The following FBXO25 variants were observed in gnomAD, a reference collection of about 807,000 sequenced individuals.
The protein encoded by FBXO25 is F-box only protein 25.
A neutral mutation model predicts 51.9 loss-of-function variants in FBXO25; 45 were observed. The observed-to-expected ratio is 0.87, with a 90% CI of 0.68 to 1.11. The LOEUF (loss-of-function observed/expected upper bound fraction) is 1.11, where lower values mean the gene tolerates loss of function less well. FBXO25 is among the 50% of genes most tolerant of loss of function. The probability of loss-of-function intolerance (pLI) is 0.00; values close to 1 mark genes in which losing one functional copy is unlikely to be tolerated. For missense variants in FBXO25, 507 were observed against 428.5 expected, an observed-to-expected ratio of 1.18 and a Z score of -1.62; for synonymous variants, 199 against 151.0, an observed-to-expected ratio of 1.32 and a Z score of -2.33.
chr8:465,076 G>T (rs1411469714), intron 9 of FBXO25, among the ~76,000 whole-genome samples: 2 of 152,262 alleles, frequency 1.3e-5, no homozygotes, highest in Admixed American at 6.5e-5. Context: ...CACAGTATGG[G>T]GGTGAGTTGT....
intron 1 of FBXO25, among the ~76,000 whole-genome samples, chr8:410,952 T>A (rs1452164853): frequency 6.6e-6 from 1 of 152,192 alleles, no homozygotes; most frequent in African/African-American, 2.4e-5. Flanking sequence ...TGTTGAAGTC[T>A]ATGTAATTTC....
intron 2 of FBXO25, among the ~76,000 whole-genome samples, chr8:416,532 C>G (rs1796812037): frequency 6.6e-6 from 1 of 152,156 alleles, no homozygotes; most frequent in Admixed American, 6.5e-5. Context: ...GGGGTAGAGT[C>G]ATAGGGATTT....
intron 7 of FBXO25, among the ~76,000 whole-genome samples, 190 bp downstream of exon 7, chr8:451,643 G>A (rs939984366): frequency 3.9e-5 from 6 of 152,196 alleles, no homozygotes; most frequent in Admixed American, 3.9e-4. Flanking sequence ...CTATTGGAAA[G>A]ACAGTGGGAA....
chr8:453,753 C>T (rs186846797), intron 7 of FBXO25, among the ~76,000 whole-genome samples: 12 of 152,272 alleles, frequency 7.9e-5, no homozygotes, highest in Non-Finnish European at 1.5e-4. Context: ...CCATGTCAGC[C>T]TCAGGATATA....
chr8:415,477 T>A (rs1392345501), intron 2 of FBXO25, among the ~76,000 whole-genome samples: 1 of 152,190 alleles, frequency 6.6e-6, no homozygotes, highest in Non-Finnish European at 1.5e-5. Context: ...CTGACCTAAG[T>A]AAGCCTTTTA....
chr8:423,734 A>T (rs542160312), intron 2 of FBXO25, among the ~76,000 whole-genome samples: 116 of 152,350 alleles, frequency 7.6e-4, no homozygotes, highest in Non-Finnish European at 1.4e-3. Flanking sequence ...TACTATTGTT[A>T]ATAGTGCAGC....
In FBXO25 at chr8:413,120, G is replaced by C. The variant is rs749731980; in HGVS notation, c.41G>C (p.Ser14Thr). 8.1e-6 allele frequency: 13 copies of C among 1,607,502 alleles called. No homozygotes were observed. In the East Asian group the frequency reaches 2.7e-4, roughly 33 times the overall value. The change falls in exon 2 of 10, where the codon AGT becomes ACT. Residue 14 changes from serine to threonine, a missense_variant. Transcript: ENST00000350302. Reference sequence around the variant, plus strand: ...CAGGACTGGAGATCTCCTGGATGGAGTTGGATTAAGACAGAAGATGGCTGG... The same window carrying C: ...CAGGACTGGAGATCTCCTGGATGGACTTGGATTAAGACAGAAGATGGCTGG... ...LGQDWRSPGW[S>T]WIKTEDGWKR... is the part of the protein sequence containing the mutation.
chr8:451,875 G>T (rs1799121972), intron 7 of FBXO25, among the ~76,000 whole-genome samples: 3 of 152,090 alleles, frequency 2.0e-5, no homozygotes, highest in Admixed American at 6.5e-5. Context: ...ATAGTTCTTA[G>T]CAACAGTGAA....
At chr8:453,465 T>C (rs1173380480) in intron 7 of FBXO25, among the ~76,000 whole-genome samples, 2 of 152,086 alleles carry the variant, frequency 1.3e-5, no homozygotes, top group African/African-American at 4.8e-5. Flanking sequence ...GAGTTTTACC[T>C]TTCTGGGAAT....
At chr8:421,271 CCCCCTCCTCG>C (rs1411645895) in intron 2 of FBXO25, among the ~76,000 whole-genome samples, 3 of 152,310 alleles carry the variant, frequency 2.0e-5, no homozygotes, top group Non-Finnish European at 4.4e-5. Context: ...TGAAACCATC[CCCCCTCCTCG>C]CCCCAGTCTG....
intron 5 of FBXO25, among the ~76,000 whole-genome samples, chr8:436,870 T>A (rs1798135732): frequency 6.6e-6 from 1 of 152,202 alleles, no homozygotes; most frequent in South Asian, 2.1e-4. Flanking sequence ...TAATTCTTGG[T>A]GTGAGTGAGA....
In FBXO25 at chr8:477,776, CAT is replaced by C. The variant is rs1491142539; in HGVS notation, c.*8974_*8975del. The C allele has an allele frequency of 6.6e-6, 1 of 152,274 alleles. No individual in the cohort carries two copies. 9.4% of individuals were successfully genotyped at this position (152,274 alleles called of 1,614,324 possible). A position where few individuals can be genotyped will look rare whatever the true frequency, so the allele number is the denominator to read the frequency against. ...TTTGGACAATAAAATCTGAATTTCA[CAT>C]ACTTTTCTTATGTCATTAGATATTA... On this transcript the variant is annotated 3_prime_UTR_variant, in exon 10 of 10. Transcript: ENST00000350302.
At position 474,878 on chromosome 8, in the gene FBXO25, A is replaced by G. The variant is rs1343345508; in HGVS notation, c.*6074A>G. Reference sequence around the variant, plus strand: ...GTGTGTGCCTCTGGTGTCATATCTAAGAAATCACTGCCTCACCCTTTTCAG... The same window carrying G: ...GTGTGTGCCTCTGGTGTCATATCTAGGAAATCACTGCCTCACCCTTTTCAG... On this transcript the variant is annotated 3_prime_UTR_variant, in exon 10 of 10. Coordinates refer to ENST00000350302, the MANE Select transcript of FBXO25 (RefSeq NM_183420.2). 1 of 455,832 alleles carries G rather than the reference A, an allele frequency of 2.2e-6. No homozygotes were observed. The highest frequency in any genetic ancestry group is 7.0e-5 in the East Asian group (1 of 14,374). 28.2% of individuals were successfully genotyped at this position (455,832 alleles called of 1,614,324 possible).
rs557910838 is a variant in FBXO25, at chr8:421,089, C to T, written c.134+7876C>T. Among the ~76,000 whole-genome samples the T allele has an allele frequency of 8.8e-4, 134 of 152,358 alleles. 1 individual carries two copies. Among genetic ancestry groups the T allele is most frequent in the African/African-American group, 2.9e-3 (119 of 41,576 alleles). On this transcript the variant is annotated intron_variant, in intron 2 of 9. Transcript: ENST00000350302. Reference sequence around the variant, plus strand: ...CACAGAGCAGGAGGTGAGCAGAGGGCAGGCAGGCATTACTGCCTGAGCTCT... The same window carrying T: ...CACAGAGCAGGAGGTGAGCAGAGGGTAGGCAGGCATTACTGCCTGAGCTCT...
In FBXO25 at chr8:407,362, A is replaced by G. The variant is rs13259702; in HGVS notation, c.-8+296A>G. 319,270 of 895,236 alleles carry G rather than the reference A, an allele frequency of 0.36. 56,967 individuals carry two copies. The highest frequency in any genetic ancestry group is 0.64 in the African/African-American group (33,390 of 51,962). 55.5% of individuals were successfully genotyped at this position (895,236 alleles called of 1,614,324 possible). ...GGATTGCCGCGTGCGCGTCTGCTGA[A>G]GTCTGGGTCCGCGGGCGCGTCAGGT... On this transcript the variant is annotated intron_variant, in intron 1 of 9. Coordinates refer to ENST00000350302, the MANE Select transcript of FBXO25 (RefSeq NM_183420.2).
In FBXO25 at chr8:471,537, A is replaced by C. The variant is rs1378490092; in HGVS notation, c.*2733A>C. The C allele has an allele frequency of 6.6e-6, 1 of 152,194 alleles. No individual in the cohort carries two copies. The highest frequency in any genetic ancestry group is 1.5e-5 in the Non-Finnish European group (1 of 68,038). 9.4% of individuals were successfully genotyped at this position (152,194 alleles called of 1,614,324 possible). A position where few individuals can be genotyped will look rare whatever the true frequency, so the allele number is the denominator to read the frequency against. On this transcript the variant is annotated 3_prime_UTR_variant, in exon 10 of 10. Coordinates refer to ENST00000350302, the MANE Select transcript of FBXO25 (RefSeq NM_183420.2). ...TTCAGGACCCCAGGAGCCTAAAGCCAGGTAGTAAGTTTCACTTGCCCATCG... is the reference window on the plus strand; with the variant it reads ...TTCAGGACCCCAGGAGCCTAAAGCCCGGTAGTAAGTTTCACTTGCCCATCG...
rs930621684 is a variant in FBXO25 at position 471,048 on chromosome 8, C to T, written c.*2244C>T. On this transcript the variant is annotated 3_prime_UTR_variant, in exon 10 of 10. Coordinates refer to ENST00000350302, the MANE Select transcript of FBXO25 (RefSeq NM_183420.2). Reference sequence around the variant, plus strand: ...AGTTCTCAGCTGTGCTATCAAATCACAGATGTGCATTTAACTTGTATAAAT... The same window carrying T: ...AGTTCTCAGCTGTGCTATCAAATCATAGATGTGCATTTAACTTGTATAAAT... 6 of 152,164 alleles carry T rather than the reference C, an allele frequency of 3.9e-5. No individual in the cohort carries two copies. Among genetic ancestry groups the T allele is most frequent in the African/African-American group, 1.4e-4 (6 of 41,440 alleles). The allele number at this position is 152,164 out of a possible 1,614,324, so 9.4% of individuals were successfully genotyped here. A position where few individuals can be genotyped will look rare whatever the true frequency, so the allele number is the denominator to read the frequency against.
At chr8:446,486 G>A (rs1202013844) in intron 5 of FBXO25, among the ~76,000 whole-genome samples, 3 of 152,158 alleles carry the variant, frequency 2.0e-5, no homozygotes, top group Admixed American at 6.5e-5. Context: ...ATCCATTGTT[G>A]TGTGAATCTG....
At chr8:445,166 C>G (rs537417673) in intron 5 of FBXO25, among the ~76,000 whole-genome samples, 270 of 152,296 alleles carry the variant, frequency 1.8e-3, no homozygotes, top group Admixed American at 2.8e-3. Flanking sequence ...CTATGCTTAC[C>G]TATGCCTCGT....
Sources: gnomAD v4.1 joint callset for allele counts (sites outside exome capture counted in the v4.1 genomes callset) on GRCh38, gnomAD v4.1.1 for gene constraint, MANE v1.5 for transcripts, NCBI Gene and HGNC (gene_info 2026-07-23, HGNC 2026-07-21) for gene names.